The following EYA1 variants were observed in gnomAD, a reference collection of about 807,000 sequenced individuals.
The protein encoded by EYA1 is protein phosphatase EYA1.
In EYA1, 16 loss-of-function variants were observed where a neutral mutation model predicts 82.0. The ratio of observed to expected loss-of-function variants is 0.20; its 90% CI spans 0.13 to 0.30. EYA1 has a LOEUF of 0.30. Ranked by LOEUF, EYA1 falls within the 10% of genes least tolerant of loss-of-function variation. EYA1 has a pLI of 1.00. For missense variants in EYA1, 633 were observed against 730.7 expected (o/e 0.87, Z 1.54); for synonymous variants, 261 against 264.4 (o/e 0.99, Z 0.12).
intron 12 of EYA1, among the ~76,000 whole-genome samples, chr8:71,220,084 G>A (rs954396350): frequency 5.5e-4 from 84 of 152,090 alleles, no homozygotes; most frequent in African/African-American, 2.0e-3. Flanking sequence ...AGCTCTCCTG[G>A]AAGAATCTAC....
intron 3 of EYA1, among the ~76,000 whole-genome samples, chr8:71,335,263 C>T (rs886087622): frequency 2.6e-5 from 4 of 151,994 alleles, no homozygotes; most frequent in Non-Finnish European, 5.9e-5. Context: ...CATTTTGAAG[C>T]GGGAAAAGAT....
chr8:71,454,884 T>G (rs1807745946), intron 2 of EYA1, among the ~76,000 whole-genome samples: 8 of 152,002 alleles, frequency 5.3e-5, no homozygotes, highest in Admixed American at 5.2e-4. Flanking sequence ...GCAAACACAT[T>G]CAAAAGCTAG....
At chr8:71,467,187 A>T (rs1808840205) in intron 2 of EYA1, among the ~76,000 whole-genome samples, 1 of 152,062 alleles carries the variant, frequency 6.6e-6, no homozygotes, top group Non-Finnish European at 1.5e-5. Flanking sequence ...ACATTATTTT[A>T]AAAAATAGAT....
chr8:71,547,161 T>TCAAA (rs1442806660), intron 1 of EYA1, among the ~76,000 whole-genome samples: 1 of 152,166 alleles, frequency 6.6e-6, no homozygotes, highest in Non-Finnish European at 1.5e-5. Flanking sequence ...CTTGGACCAA[T>TCAAA]CAAACCACTT....
chr8:71,497,649 A>C (rs1456643968), intron 2 of EYA1, among the ~76,000 whole-genome samples: 1 of 152,212 alleles, frequency 6.6e-6, no homozygotes, highest in African/African-American at 2.4e-5. Flanking sequence ...CATTATGGAA[A>C]ACACTAAGGA....
At chr8:71,296,670 A>G (rs1378386434) in intron 9 of EYA1, among the ~76,000 whole-genome samples, 3 of 151,978 alleles carry the variant, frequency 2.0e-5, no homozygotes, top group African/African-American at 7.2e-5. Context: ...GCAAAAAGAG[A>G]CATTCATTAT....
At chr8:71,300,760 A>G (rs970867550) in intron 7 of EYA1, among the ~76,000 whole-genome samples, 1 of 152,200 alleles carries the variant, frequency 6.6e-6, no homozygotes, top group African/African-American at 2.4e-5. Flanking sequence ...GAATACTATG[A>G]AGCTGTTTAA....
intron 2 of EYA1, among the ~76,000 whole-genome samples, chr8:71,382,878 A>T (rs904153552): frequency 1.3e-5 from 2 of 152,114 alleles, no homozygotes; most frequent in Non-Finnish European, 2.9e-5. Context: ...TCTTAGTATT[A>T]TAACAGTAGA....
chr8:71,284,773 T>G (rs1818186504), intron 9 of EYA1, among the ~76,000 whole-genome samples: 1 of 152,230 alleles, frequency 6.6e-6, no homozygotes, highest in Non-Finnish European at 1.5e-5. Context: ...TTTAAAGTGG[T>G]CTATTTCTCT....
At chr8:71,467,922 G>C (rs538121467) in intron 2 of EYA1, among the ~76,000 whole-genome samples, 3 of 151,778 alleles carry the variant, frequency 2.0e-5, no homozygotes, top group Admixed American at 1.3e-4. Flanking sequence ...ACTAAGTCTC[G>C]GTTCACAGAT....
At chr8:71,204,755 A>G (rs1807529246) in intron 17 of EYA1, among the ~76,000 whole-genome samples, 2 of 152,240 alleles carry the variant, frequency 1.3e-5, no homozygotes, top group Admixed American at 6.5e-5. Context: ...AGTTTTGCAG[A>G]TGGAATTACA....
At chr8:71,400,279 T>C (rs747550782) in intron 2 of EYA1, among the ~76,000 whole-genome samples, 2 of 152,052 alleles carry the variant, frequency 1.3e-5, no homozygotes, top group Non-Finnish European at 2.9e-5. Context: ...TTGCAACGAA[T>C]GCAAAAATTG....
chr8:71,300,220 C>T (rs988337596), intron 7 of EYA1, among the ~76,000 whole-genome samples: 13 of 152,080 alleles, frequency 8.5e-5, no homozygotes, highest in Admixed American at 8.5e-4. Flanking sequence ...ATGGCAGCAC[C>T]TGATAAATTT....
intron 2 of EYA1, among the ~76,000 whole-genome samples, chr8:71,403,096 T>C (rs1202549423): frequency 6.6e-6 from 1 of 152,176 alleles, no homozygotes; most frequent in African/African-American, 2.4e-5. Flanking sequence ...ACTATATAGA[T>C]ATTTTAAACT....
At chr8:71,348,604 CTTA>C (rs896573127) in intron 3 of EYA1, among the ~76,000 whole-genome samples, 24 of 152,292 alleles carry the variant, frequency 1.6e-4, no homozygotes, top group African/African-American at 5.8e-4. Context: ...GGTTCCTATT[CTTA>C]TTATGAAAGA....
chr8:71,453,292 A>C (rs1377131350), intron 2 of EYA1, among the ~76,000 whole-genome samples: 1 of 152,186 alleles, frequency 6.6e-6, no homozygotes, highest in Non-Finnish European at 1.5e-5. Context: ...CTCTACGTCT[A>C]ATTGGTGAGC....
intron 2 of EYA1, among the ~76,000 whole-genome samples, chr8:71,506,997 GA>G (rs1812240710): frequency 6.6e-6 from 1 of 151,782 alleles, no homozygotes; most frequent in African/African-American, 2.4e-5. Flanking sequence ...AAGAGACTGG[GA>G]AATAACCGAA....
intron 9 of EYA1, among the ~76,000 whole-genome samples, chr8:71,277,115 A>ATTTTTTTT (rs9298167): frequency 1.8e-3 from 140 of 76,966 alleles, no homozygotes; most frequent in Non-Finnish European, 2.4e-3. Flanking sequence ...GGCTTCACAC[A>ATTTTTTTT]TTTTTTTTTT....
At chr8:71,468,220 T>G in intron 2 of EYA1, among the ~76,000 whole-genome samples, 1 of 152,136 alleles carries the variant, frequency 6.6e-6, no homozygotes, top group African/African-American at 2.4e-5. Context: ...GTTCATCCCA[T>G]TAGGCAAAGA....
Sources: gnomAD v4.1 joint callset for allele counts (sites outside exome capture counted in the v4.1 genomes callset) on GRCh38, gnomAD v4.1.1 for gene constraint, MANE v1.5 for transcripts, NCBI Gene and HGNC (gene_info 2026-07-23, HGNC 2026-07-21) for gene names.